Variants in XPO7 observed in about 807,000 individuals in gnomAD.
The protein encoded by XPO7 is exportin 7.
In XPO7, 21 loss-of-function variants were observed where a neutral mutation model predicts 144.3. The observed-to-expected ratio is 0.15, with a 90% CI of 0.10 to 0.21. XPO7 has a LOEUF of 0.21. Among genes scored for constraint, XPO7 ranks in the 10% least tolerant of loss-of-function variants. The probability of loss-of-function intolerance (pLI) is 1.00; values close to 1 mark genes in which losing one functional copy is unlikely to be tolerated. For synonymous variants in XPO7, 580 were observed against 499.6 expected, an observed-to-expected ratio of 1.16 and a Z score of -2.15; for missense variants, 808 against 1,325.8, an observed-to-expected ratio of 0.61 and a Z score of 6.06.
At chr8:21,977,896 T>C in intron 8 of XPO7, 53 bp downstream of exon 8, 5 of 1,477,512 alleles carry the variant, frequency 3.4e-6, no homozygotes, top group Non-Finnish European at 4.7e-6. Context: ...AAGATAGCAA[T>C]GGTGAATGAA....
rs116749220 is a variant in XPO7, at chr8:21,980,870, G to A, written c.957+667G>A. Among the ~76,000 whole-genome samples, 641 of 152,138 alleles carry A rather than the reference G, an allele frequency of 4.2e-3. 5 individuals carry two copies. The highest frequency in any genetic ancestry group is 0.015 in the African/African-American group (616 of 41,518). Reference sequence around the variant, plus strand: ...CCTAAGTATATAGGGCTGCTTTTAGGTGGGAAGGAAGATACTTCTTTCAAA... The same window carrying A: ...CCTAAGTATATAGGGCTGCTTTTAGATGGGAAGGAAGATACTTCTTTCAAA... On this transcript the variant is annotated intron_variant, in intron 9 of 27. Transcript: ENST00000252512.
At chr8:21,944,365 C>T (rs962517113) in intron 1 of XPO7, among the ~76,000 whole-genome samples, 2 of 152,074 alleles carry the variant, frequency 1.3e-5, no homozygotes, top group African/African-American at 2.4e-5. Flanking sequence ...GTCAGGAGTT[C>T]GAGACCAGCC....
Position 21,982,835 on chromosome 8 carries a change from A to G in XPO7, c.1277+23A>G, listed in dbSNP as rs369809389. Reference sequence around the variant, plus strand: ...GAGGTAAGGAAACTTAGCCTCATTCATTCCCGCACCAGTGGCCTGTTGTCA... The same window carrying G: ...GAGGTAAGGAAACTTAGCCTCATTCGTTCCCGCACCAGTGGCCTGTTGTCA... On this transcript the variant is annotated intron_variant, in intron 11 of 27. Coordinates refer to ENST00000252512, the MANE Select transcript of XPO7 (RefSeq NM_015024.5). 3.2e-6 allele frequency: 5 copies of G among 1,576,052 alleles called. No homozygotes were observed. In the African/African-American group the frequency reaches 5.4e-5, roughly 17 times the overall value.
At chr8:21,966,764 G>A (rs2117323966) in intron 1 of XPO7, 93 bp from the exon 2 acceptor site, 3 of 1,489,328 alleles carry the variant, frequency 2.0e-6, no homozygotes, top group Non-Finnish European at 2.7e-6. Context: ...TTTCTTTACT[G>A]ATTATTATTT....
At chr8:21,960,875 G>C (rs781654588) in intron 1 of XPO7, among the ~76,000 whole-genome samples, 5 of 152,178 alleles carry the variant, frequency 3.3e-5, no homozygotes, top group Non-Finnish European at 5.9e-5. Flanking sequence ...TTTTCCATTA[G>C]TATTAAAAAG....
At chr8:21,941,102 T>C (rs547737376) in intron 1 of XPO7, among the ~76,000 whole-genome samples, 1 of 151,996 alleles carries the variant, frequency 6.6e-6, no homozygotes, top group Non-Finnish European at 1.5e-5. Context: ...TGGATTAGTA[T>C]TTGCATATAA....
At chr8:21,946,821 CATCTT>C (rs1811210076) in intron 1 of XPO7, among the ~76,000 whole-genome samples, 1 of 151,886 alleles carries the variant, frequency 6.6e-6, no homozygotes. Context: ...AAAGACAAAA[CATCTT>C]ATCAGAAAGA....
At chr8:21,980,690 G>A (rs951936440) in intron 9 of XPO7, among the ~76,000 whole-genome samples, 3 of 151,404 alleles carry the variant, frequency 2.0e-5, no homozygotes, top group South Asian at 2.1e-4. Flanking sequence ...CAGGAGAATC[G>A]CTTGAACCCG....
chr8:21,991,729 G>T, intron 18 of XPO7, 139 bp from the exon 19 acceptor site: 1 of 552,616 alleles, frequency 1.8e-6, no homozygotes, highest in Non-Finnish European at 3.1e-6. Context: ...CTCTTACATT[G>T]CTACTAATAC....
chr8:21,981,416 A>G (rs1429078776), intron 9 of XPO7, among the ~76,000 whole-genome samples: 2 of 152,222 alleles, frequency 1.3e-5, no homozygotes, highest in Non-Finnish European at 2.9e-5. Flanking sequence ...CACTTCTGCT[A>G]TAATGAGCTT....
At chr8:21,997,847 G>A (rs139292858) in intron 21 of XPO7, among the ~76,000 whole-genome samples, 9 of 152,126 alleles carry the variant, frequency 5.9e-5, no homozygotes, top group Non-Finnish European at 8.8e-5. Context: ...AGTGTGGTGG[G>A]GGGGAGGAAG....
At chr8:21,969,361 A>C in intron 2 of XPO7, 122 bp from the exon 3 acceptor site, 1 of 774,538 alleles carries the variant, frequency 1.3e-6, no homozygotes, top group East Asian at 2.7e-5. Flanking sequence ...TAAAATCCAG[A>C]GGATCAAATC....
At chr8:21,972,002 T>G in intron 5 of XPO7, 61 bp downstream of exon 5, 1 of 1,515,328 alleles carries the variant, frequency 6.6e-7, no homozygotes, top group Non-Finnish European at 9.2e-7. Context: ...TATTGGTGTT[T>G]TCTGCTGTGT....
intron 9 of XPO7, among the ~76,000 whole-genome samples, chr8:21,980,762 A>G (rs1479757239): frequency 6.6e-6 from 1 of 151,728 alleles, no homozygotes; most frequent in Non-Finnish European, 1.5e-5. Flanking sequence ...GCGACAGAGT[A>G]AGACTCCGTC....
chr8:21,999,527 C>G lies in XPO7; in HGVS notation c.2644-9C>G. ...CTAAGCTGATTTTCTTCCTCTTCCTCTCCCACAGGATTACCCCAAGCTCAG... is the reference window on the plus strand; with the variant it reads ...CTAAGCTGATTTTCTTCCTCTTCCTGTCCCACAGGATTACCCCAAGCTCAG... On this transcript the variant is annotated splice_polypyrimidine_tract_variant and intron_variant, in intron 23 of 27. Transcript: ENST00000252512. The G allele has an allele frequency of 6.2e-7, 1 of 1,613,888 alleles. No homozygotes were observed. Among genetic ancestry groups the G allele is most frequent in the South Asian group, 1.1e-5 (1 of 91,072 alleles).
intron 1 of XPO7, among the ~76,000 whole-genome samples, chr8:21,941,150 C>G (rs1212880635): frequency 8.0e-6 from 1 of 124,408 alleles, no homozygotes; most frequent in South Asian, 2.4e-4. Context: ...TTTTTTTCTT[C>G]CCTTTGAGAT....
chr8:21,979,949 C>G, intron 8 of XPO7, 135 bp from the exon 9 acceptor site: 1 of 1,132,712 alleles, frequency 8.8e-7, no homozygotes, highest in South Asian at 2.2e-5. Context: ...GATCTATGTT[C>G]TTTTCTTTTC....
chr8:22,002,336 A>G, intron 25 of XPO7, 64 bp downstream of exon 25: 1 of 1,554,370 alleles, frequency 6.4e-7, no homozygotes, highest in South Asian at 1.2e-5. Context: ...CCTCTGCAAG[A>G]CAGGGGAGCC....
At chr8:21,937,961 A>T (rs1810873861) in intron 1 of XPO7, among the ~76,000 whole-genome samples, 1 of 152,214 alleles carries the variant, frequency 6.6e-6, no homozygotes, top group Non-Finnish European at 1.5e-5. Flanking sequence ...AGATATAGAT[A>T]ATATTTATGA....
Sources: allele counts gnomAD v4.1 joint callset (sites outside exome capture counted in the v4.1 genomes callset), GRCh38; gene constraint gnomAD v4.1.1; transcripts MANE v1.5; gene names NCBI Gene and HGNC (gene_info 2026-07-23, HGNC 2026-07-21).